Variants in TRPM1 observed in about 807,000 individuals in gnomAD.
The protein encoded by TRPM1 is TRPM1-203 APA Isoform, Intron 10.
A neutral mutation model predicts 149.4 loss-of-function variants in TRPM1; 113 were observed. The observed-to-expected ratio is 0.76, with a 90% CI of 0.65 to 0.88. The LOEUF (loss-of-function observed/expected upper bound fraction) is 0.88. TRPM1 is among the 40% of genes least tolerant of loss of function. TRPM1 has a pLI of 0.00. For synonymous variants in TRPM1, 741 were observed against 759.5 expected (o/e 0.98, Z 0.40); for missense variants, 1,976 against 2,038.7 (o/e 0.97, Z 0.59).
intron 23 of TRPM1, among the ~76,000 whole-genome samples, chr15:31,030,550 G>A (rs1273943978): frequency 6.6e-6 from 1 of 152,212 alleles, no homozygotes; most frequent in Non-Finnish European, 1.5e-5. Context: ...AAATGGGTAT[G>A]AAATGGGTAG....
intron 20 of TRPM1, 159 bp from the exon 21 acceptor site, chr15:31,035,833 G>T: frequency 9.7e-7 from 1 of 1,027,124 alleles, no homozygotes; most frequent in Non-Finnish European, 1.5e-6. Context: ...CACCAGTGCA[G>T]ACAGAAGACC....
chr15:31,087,174 C>T (rs916011385), intron 1 of TRPM1, among the ~76,000 whole-genome samples: 4 of 145,910 alleles, frequency 2.7e-5, no homozygotes, highest in East Asian at 2.0e-4. Context: ...GGCAGTTCCT[C>T]GAAAATGAAA....
At chr15:31,086,262 G>T (rs1384845204) in intron 1 of TRPM1, among the ~76,000 whole-genome samples, 1 of 152,200 alleles carries the variant, frequency 6.6e-6, no homozygotes. Context: ...GAGCGGCAAG[G>T]TTGGCCTCTA....
intron 27 of TRPM1, among the ~76,000 whole-genome samples, chr15:31,024,480 C>T (rs2032653052): frequency 6.6e-6 from 1 of 152,180 alleles, no homozygotes; most frequent in African/African-American, 2.4e-5. Context: ...AATGTGCTCC[C>T]ATCGCTCCTG....
intron 1 of TRPM1, among the ~76,000 whole-genome samples, chr15:31,113,374 C>A (rs1029761129): frequency 6.6e-6 from 1 of 151,992 alleles, no homozygotes; most frequent in Admixed American, 6.6e-5. Flanking sequence ...CTGTCACAAC[C>A]AACGGGGTTC....
intron 12 of TRPM1, 53 bp downstream of exon 12, chr15:31,050,356 T>C (rs2140940743): frequency 5.0e-6 from 8 of 1,613,812 alleles, no homozygotes; most frequent in Non-Finnish European, 5.9e-6. Flanking sequence ...AACCATCCCT[T>C]CCCCTGGGGA....
At chr15:31,158,147 T>C (rs2036400768) in intron 1 of TRPM1, among the ~76,000 whole-genome samples, 1 of 152,178 alleles carries the variant, frequency 6.6e-6, no homozygotes, top group African/African-American at 2.4e-5. Flanking sequence ...AGGGCTTTTA[T>C]AAATAGGCCT....
At chr15:31,118,747 T>C (rs1182965332) in intron 1 of TRPM1, among the ~76,000 whole-genome samples, 1 of 152,092 alleles carries the variant, frequency 6.6e-6, no homozygotes, top group Non-Finnish European at 1.5e-5. Flanking sequence ...TATCCTCACA[T>C]AGTGGAAAGC....
intron 1 of TRPM1, among the ~76,000 whole-genome samples, chr15:31,139,861 A>G (rs762906313): frequency 1.3e-5 from 2 of 152,230 alleles, no homozygotes; most frequent in African/African-American, 2.4e-5. Context: ...GTGGATGTAA[A>G]TGGGATACAA....
At chr15:31,037,164 C>A (rs1382677477) in intron 20 of TRPM1, among the ~76,000 whole-genome samples, 1 of 152,250 alleles carries the variant, frequency 6.6e-6, no homozygotes, top group Non-Finnish European at 1.5e-5. Context: ...AGTAGAGAGC[C>A]ACACTCTGGG....
intron 1 of TRPM1, among the ~76,000 whole-genome samples, chr15:31,101,417 G>C (rs755204469): frequency 2.0e-4 from 31 of 152,130 alleles, no homozygotes; most frequent in Middle Eastern, 3.2e-3. Context: ...TGCTCCATAG[G>C]GTCCTGTCCA....
intron 1 of TRPM1, among the ~76,000 whole-genome samples, chr15:31,136,849 C>T (rs12915105): frequency 4.1e-3 from 615 of 149,754 alleles, no homozygotes; most frequent in Non-Finnish European, 6.5e-3. Flanking sequence ...TCTAGAATTG[C>T]AAATAAAGCC....
In TRPM1 at chr15:31,035,796, C is replaced by A. The variant is rs139103313; in HGVS notation, c.2572-122G>T. 5.0e-4 allele frequency: 715 copies of A among 1,428,752 alleles called. 4 individuals are homozygous for A. In the African/African-American group the frequency reaches 8.7e-3, roughly 17 times the overall value. The allele number at this position is 1,428,752 out of a possible 1,614,324, so 88.5% of individuals were successfully genotyped here. ...ATCTTTGTTTCCAACTGGACTGACT[C>A]ATTGAGAGGAAACCTTCACTGCACC... On this transcript the variant is annotated intron_variant, in intron 20 of 27. Coordinates refer to ENST00000256552, the MANE Select transcript of TRPM1 (RefSeq NM_001252024.2).
In TRPM1 at chr15:31,049,443, G is replaced by A. The variant is rs1384571596; in HGVS notation, c.1504C>T (p.Leu502=). The change falls in exon 13 of 28, where the codon CTG becomes TTG. Residue 502 remains leucine, a synonymous_variant. Coordinates refer to ENST00000256552, the MANE Select transcript of TRPM1 (RefSeq NM_001252024.2). Reference sequence around the variant, plus strand: ...TGCATGTTCACTCCGTTTTCAATCAGGAGCTTCACAAAGTCGACACGATCT... The same window carrying A: ...TGCATGTTCACTCCGTTTTCAATCAAGAGCTTCACAAAGTCGACACGATCT... ...VLDRVDFVKL[L]IENGVNMQHF... 1 of 1,614,038 alleles carries A rather than the reference G, an allele frequency of 6.2e-7. No homozygotes were observed.
chr15:31,072,006 T>TAGAGAGAG (rs1367033881), intron 3 of TRPM1, among the ~76,000 whole-genome samples: 2 of 38,308 alleles, frequency 5.2e-5, no homozygotes, highest in African/African-American at 1.5e-4. Context: ...TATATATATA[T>TAGAGAGAG]ATATATATAT....
chr15:31,113,861 G>C (rs2338851), intron 1 of TRPM1, among the ~76,000 whole-genome samples: 90,813 of 151,498 alleles, frequency 0.6, 27,453 homozygotes, highest in East Asian at 0.72. Flanking sequence ...GCTCCCACAC[G>C]CTGGAAGGGT....
chr15:31,093,441 G>C (rs1381043634), intron 1 of TRPM1, among the ~76,000 whole-genome samples: 1 of 151,982 alleles, frequency 6.6e-6, no homozygotes, highest in Non-Finnish European at 1.5e-5. Context: ...AAATCAGAAA[G>C]TATCTAGAAA....
At chr15:31,031,190 T>C in intron 22 of TRPM1, 33 bp from the exon 23 acceptor site, 1 of 1,613,982 alleles carries the variant, frequency 6.2e-7, no homozygotes, top group East Asian at 2.2e-5. Flanking sequence ...TCTCACTGTC[T>C]TGGCTTGTGG....
At chr15:31,008,701 CCACAG>C (rs2032080596) in intron 27 of TRPM1, among the ~76,000 whole-genome samples, 1 of 152,046 alleles carries the variant, frequency 6.6e-6, no homozygotes, top group African/African-American at 2.4e-5. Flanking sequence ...TGGGAAGTGA[CCACAG>C]CATTTACTAT....
Sources: gnomAD v4.1 joint callset for allele counts (sites outside exome capture counted in the v4.1 genomes callset) on GRCh38, gnomAD v4.1.1 for gene constraint, MANE v1.5 for transcripts, NCBI Gene and HGNC (gene_info 2026-07-23, HGNC 2026-07-21) for gene names.